ZNF236: variants seen among roughly 807,000 people sequenced by gnomAD.
The protein encoded by ZNF236 is regulated by glucose.
ZNF236 carries 50 observed loss-of-function variants against 191.2 expected under a neutral mutation model. The ratio of observed to expected loss-of-function variants is 0.26; its 90% confidence interval spans 0.21 to 0.33. The LOEUF (loss-of-function observed/expected upper bound fraction) is 0.33. ZNF236 is among the 10% of genes least tolerant of loss of function. The pLI is 1.00. For missense variants in ZNF236, 1,754 were observed against 2,374.5 expected (o/e 0.74, Z 5.43); for synonymous variants, 907 against 928.8 (o/e 0.98, Z 0.43).
At chr18:76,963,146 C>A (rs1238259725) in intron 30 of ZNF236, among the ~76,000 whole-genome samples, 1 of 152,108 alleles carries the variant, frequency 6.6e-6, no homozygotes, top group Non-Finnish European at 1.5e-5. Flanking sequence ...GCATCTTTGT[C>A]TTGTTTCAGT....
intron 4 of ZNF236, among the ~76,000 whole-genome samples, chr18:76,869,545 T>A (rs944601937): frequency 1.3e-5 from 2 of 152,228 alleles, no homozygotes; most frequent in African/African-American, 4.8e-5. Flanking sequence ...TTTTTACTGA[T>A]GTTTCTGTTT....
At chr18:76,892,120 C>T (rs1016883102) in intron 9 of ZNF236, among the ~76,000 whole-genome samples, 4 of 136,742 alleles carry the variant, frequency 2.9e-5, no homozygotes, top group Non-Finnish European at 4.7e-5. Flanking sequence ...GTATGCATTT[C>T]CATTAATTTA....
Position 76,925,490 on chromosome 18 carries a change from G to A in ZNF236, c.3963G>A (p.Gln1321=), listed in dbSNP as rs373645930. 15 of 1,614,056 alleles carry A rather than the reference G, an allele frequency of 9.3e-6. No individual in the cohort carries two copies. Among genetic ancestry groups the A allele is most frequent in the African/African-American group, 4.0e-5 (3 of 74,930 alleles). Residue 1321 remains glutamine (Q), a synonymous_variant, in exon 22 of 31, where the codon CAG becomes CAA. Transcript: ENST00000320610. This position sits in a 1 kb window ranked among gnomAD's most constrained non-coding sequence, Gnocchi z 5.7. ...TGAACAACTCTGTTCTAACAGGACA[G>A]TTTGATCAGAATCTGCTGCAACCAG... ...FIMNNSVLTG[Q]FDQNLLQPGL...
chr18:76,871,914 C>T, intron 5 of ZNF236, 89 bp downstream of exon 5: 1 of 1,488,302 alleles, frequency 6.7e-7, no homozygotes, highest in Non-Finnish European at 9.3e-7. Context: ...GGAATCTGAT[C>T]CCAGCTTTCT....
intron 27 of ZNF236, among the ~76,000 whole-genome samples, chr18:76,950,088 A>G (rs1968367698): frequency 6.6e-6 from 1 of 152,110 alleles, no homozygotes; most frequent in African/African-American, 2.4e-5. Flanking sequence ...CTTGATGTTG[A>G]TGGCTGCTGA....
intron 22 of ZNF236, among the ~76,000 whole-genome samples, chr18:76,926,472 A>G (rs1220797585): frequency 3.9e-5 from 6 of 152,150 alleles, no homozygotes; most frequent in Admixed American, 3.3e-4. Flanking sequence ...GTGTGTATAT[A>G]TGGTATAATG....
chr18:76,927,175 C>T lies in ZNF236; in HGVS notation c.4166C>T (p.Thr1389Met), dbSNP rs199740937. 7 of 1,613,662 alleles carry T rather than the reference C, an allele frequency of 4.3e-6. No homozygotes were observed. The highest frequency in any genetic ancestry group is 4.5e-5 in the East Asian group (2 of 44,868). The change falls in exon 23 of 31, where the codon ACG becomes ATG. Residue 1389 changes from threonine to methionine, a missense_variant. Transcript: ENST00000320610. The surrounding 1 kb of genome is among the most constrained non-coding windows in gnomAD (Gnocchi z 5.4). The stretch of plus-strand genomic sequence containing the variant: ...GATGCTGCCAGCATTAATAACATTA[C>T]GTTGCAGGTATGACACCTTCCATGG... The part of the protein sequence containing the change: ...GIDAASINNI[T>M]LQIDPSILQQ...
chr18:76,918,160 C>A (rs969170593), intron 19 of ZNF236, among the ~76,000 whole-genome samples: 1 of 152,138 alleles, frequency 6.6e-6, no homozygotes, highest in Non-Finnish European at 1.5e-5. Flanking sequence ...CCCAGCCAAA[C>A]TTTTTTTCCT....
rs751929540 is a variant in ZNF236 at position 76,968,602 on chromosome 18, G to T, written c.*263G>T. The T allele has an allele frequency of 9.8e-6, 12 of 1,222,096 alleles. No homozygotes were observed. The highest frequency in any genetic ancestry group is 3.2e-5 in the African/African-American group (2 of 62,416). The allele number at this position is 1,222,096 out of a possible 1,614,324, so 75.7% of individuals were successfully genotyped here. A position where few individuals can be genotyped will look rare whatever the true frequency, so the allele number is the denominator to read the frequency against. ...GGCAGTTTCCTCCTCAGTCTCCTCC[G>T]TGGCTAGTGTGTCTAGTTCACGAAG... On this transcript the variant is annotated 3_prime_UTR_variant, in exon 31 of 31. Transcript: ENST00000320610.
At chr18:76,869,476 G>A (rs1186243021) in intron 4 of ZNF236, among the ~76,000 whole-genome samples, 3 of 152,118 alleles carry the variant, frequency 2.0e-5, no homozygotes, top group African/African-American at 4.8e-5. Flanking sequence ...ACATTTATTC[G>A]TAGTCAAACT....
chr18:76,947,794 C>A, intron 27 of ZNF236, 142 bp downstream of exon 27: 1 of 954,196 alleles, frequency 1.0e-6, no homozygotes, highest in Non-Finnish European at 1.5e-6. Flanking sequence ...CGGCTGAATC[C>A]TGAGTGGACA....
intron 20 of ZNF236, among the ~76,000 whole-genome samples, chr18:76,920,820 A>C (rs976919242): frequency 2.0e-5 from 3 of 152,148 alleles, no homozygotes; most frequent in Admixed American, 2.0e-4. Flanking sequence ...GTTGAGCAGA[A>C]CCATGAAGAA....
intron 3 of ZNF236, among the ~76,000 whole-genome samples, chr18:76,868,374 G>A (rs576174517): frequency 4.5e-4 from 69 of 152,268 alleles, no homozygotes; most frequent in African/African-American, 1.5e-3. Flanking sequence ...CAGAATAGGC[G>A]GACCCAGTGC....
intron 18 of ZNF236, among the ~76,000 whole-genome samples, 187 bp downstream of exon 18, chr18:76,914,085 C>G (rs1967291916): frequency 6.6e-6 from 1 of 152,188 alleles, no homozygotes; most frequent in Non-Finnish European, 1.5e-5. Context: ...AAAAGAAACT[C>G]TGTACCCATT....
chr18:76,882,950 C>T (rs1260644030), intron 9 of ZNF236, among the ~76,000 whole-genome samples: 1 of 152,218 alleles, frequency 6.6e-6, no homozygotes, highest in African/African-American at 2.4e-5. Context: ...CCACGGGCTA[C>T]TGTCTCTAGT....
At chr18:76,895,416 GACTGCACAAAGTATCACACACAGT>G in intron 10 of ZNF236, 131 bp downstream of exon 10, 1 of 1,286,756 alleles carries the variant, frequency 7.8e-7, no homozygotes, top group Non-Finnish European at 1.1e-6. Context: ...TGCTCACAGG[GACTGCACAAAGTATCACACACAGT>G]ACTGCACGTA....
chr18:76,872,745 C>T (rs537900072), intron 5 of ZNF236, among the ~76,000 whole-genome samples: 21 of 152,206 alleles, frequency 1.4e-4, no homozygotes, highest in African/African-American at 4.1e-4. Flanking sequence ...GAAAATTGTA[C>T]GAATATTTTT....
At chr18:76,918,264 G>A (rs1246088507) in intron 19 of ZNF236, among the ~76,000 whole-genome samples, 2 of 152,110 alleles carry the variant, frequency 1.3e-5, no homozygotes, top group African/African-American at 4.8e-5. Flanking sequence ...AGTATCAGCT[G>A]AGGATTGGTT....
chr18:76,845,484 A>T (rs564245125), intron 1 of ZNF236, among the ~76,000 whole-genome samples: 14 of 152,272 alleles, frequency 9.2e-5, no homozygotes, highest in African/African-American at 3.4e-4. Context: ...GAGAATACCT[A>T]TTCTGACTTG....
Sources: gnomAD v4.1 joint callset for allele counts (sites outside exome capture counted in the v4.1 genomes callset) on GRCh38, gnomAD v4.1.1 for gene constraint, Gnocchi (gnomAD v3.1) non-coding constraint, MANE v1.5 for transcripts, NCBI Gene and HGNC (gene_info 2026-07-23, HGNC 2026-07-21) for gene names.